Variants in ZNF385B observed in about 807,000 individuals in gnomAD.
The protein encoded by ZNF385B is zinc finger protein 533.
In ZNF385B, 23 loss-of-function variants were observed where a neutral mutation model predicts 39.2. The ratio of observed to expected loss-of-function variants is 0.59; its 90% confidence interval spans 0.42 to 0.83. The LOEUF (loss-of-function observed/expected upper bound fraction) is 0.83. ZNF385B is among the 40% of genes least tolerant of loss of function. The pLI, the probability that ZNF385B is intolerant of heterozygous loss-of-function variation, is 0.00. For missense variants in ZNF385B, 552 were observed against 598.9 expected, an observed-to-expected ratio of 0.92 and a Z score of 0.82; for synonymous variants, 205 against 222.6, an observed-to-expected ratio of 0.92 and a Z score of 0.70.
intron 3 of ZNF385B, among the ~76,000 whole-genome samples, chr2:179,627,888 A>C (rs1160361846): frequency 6.6e-6 from 1 of 152,012 alleles, no homozygotes; most frequent in African/African-American, 2.4e-5. Flanking sequence ...TTTACTTTCT[A>C]TGTCTCTTTG....
At chr2:179,603,042 A>G (rs1263156203) in intron 3 of ZNF385B, among the ~76,000 whole-genome samples, 2 of 152,186 alleles carry the variant, frequency 1.3e-5, no homozygotes, top group African/African-American at 2.4e-5. Flanking sequence ...GATTCTTACT[A>G]TTTAATTTTC....
At chr2:179,577,869 T>C (rs2106021160) in intron 3 of ZNF385B, among the ~76,000 whole-genome samples, 1 of 152,212 alleles carries the variant, frequency 6.6e-6, no homozygotes, top group South Asian at 2.1e-4. Context: ...TTTCATAGGC[T>C]GATATATTTA....
intron 6 of ZNF385B, among the ~76,000 whole-genome samples, chr2:179,460,148 T>C (rs753009259): frequency 6.6e-6 from 1 of 151,936 alleles, no homozygotes; most frequent in Non-Finnish European, 1.5e-5. Flanking sequence ...TAATGTCTCA[T>C]AGTAGTAAGT....
At chr2:179,753,815 G>C in intron 3 of ZNF385B, among the ~76,000 whole-genome samples, 1 of 152,190 alleles carries the variant, frequency 6.6e-6, no homozygotes, top group East Asian at 1.9e-4. Context: ...ATGCTTATCA[G>C]CTTAAGGAGA....
chr2:179,564,880 C>T (rs1253222588), intron 3 of ZNF385B, among the ~76,000 whole-genome samples: 2 of 152,126 alleles, frequency 1.3e-5, no homozygotes, highest in Admixed American at 6.5e-5. Context: ...CCCCTATCCC[C>T]TCACCTCACT....
Position 179,653,942 on chromosome 2 carries a change from G to T in ZNF385B, c.299-108973C>A, listed in dbSNP as rs6760122. 5.2e-3 allele frequency among the ~76,000 whole-genome samples: 794 copies of T among 152,284 alleles called. 8 individuals are homozygous for T. The highest frequency in any genetic ancestry group is 0.018 in the African/African-American group (758 of 41,560). On this transcript the variant is annotated intron_variant, in intron 3 of 9. Transcript: ENST00000410066. ...TTATTTTGAAATATTTCCAGAGAAA[G>T]ACATAGAGATGCACAATGGTAAGGA...
chr2:179,574,925 C>T (rs1685639560), intron 3 of ZNF385B, among the ~76,000 whole-genome samples: 1 of 152,142 alleles, frequency 6.6e-6, no homozygotes, highest in African/African-American at 2.4e-5. Context: ...CCAGGCCCTC[C>T]TCCAGTCTCT....
At chr2:179,778,894 T>C (rs576346947) in intron 1 of ZNF385B, among the ~76,000 whole-genome samples, 21 of 152,326 alleles carry the variant, frequency 1.4e-4, no homozygotes, top group East Asian at 1.9e-4. Flanking sequence ...ACATGTTTAC[T>C]TCTGGTCTTT....
intron 3 of ZNF385B, among the ~76,000 whole-genome samples, chr2:179,564,339 A>C (rs1318759050): frequency 6.6e-6 from 1 of 152,154 alleles, no homozygotes; most frequent in African/African-American, 2.4e-5. Flanking sequence ...GAGAGGTGAC[A>C]TTTAAATGGT....
intron 3 of ZNF385B, among the ~76,000 whole-genome samples, chr2:179,743,558 A>G (rs939067025): frequency 6.6e-6 from 1 of 152,026 alleles, no homozygotes; most frequent in African/African-American, 2.4e-5. Context: ...CAACATCCAA[A>G]TATGTACTCT....
chr2:179,612,885 A>G (rs2090219), intron 3 of ZNF385B, among the ~76,000 whole-genome samples: 119,623 of 152,108 alleles, frequency 0.79, 47,299 homozygotes, highest in East Asian at 0.85. Context: ...GATCTGAGTC[A>G]GAAACCTTAG....
intron 3 of ZNF385B, among the ~76,000 whole-genome samples, chr2:179,602,773 T>A (rs987714424): frequency 6.6e-6 from 1 of 152,274 alleles, no homozygotes; most frequent in Non-Finnish European, 1.5e-5. Context: ...ATAGAAGTTA[T>A]GATAATTCAA....
rs370663851 is a variant in ZNF385B at position 179,601,861 on chromosome 2, AT to A, written c.299-56893del. ...AAACACCTTTTGCCCCAAATATGCCATGAGGACTATCTGAATTTCTCCTGTT... is the reference window on the plus strand; with the variant it reads ...AAACACCTTTTGCCCCAAATATGCCAGAGGACTATCTGAATTTCTCCTGTT... On this transcript the variant is annotated intron_variant, in intron 3 of 9. Transcript: ENST00000410066. 5.3e-5 allele frequency among the ~76,000 whole-genome samples: 8 copies of A among 152,314 alleles called. No homozygotes were observed. In the East Asian group the frequency reaches 1.4e-3, roughly 26 times the overall value.
At chr2:179,628,996 T>C (rs1690934396) in intron 3 of ZNF385B, among the ~76,000 whole-genome samples, 1 of 152,238 alleles carries the variant, frequency 6.6e-6, no homozygotes. Flanking sequence ...ATAAGTTTGA[T>C]GTGTTTCCAT....
At chr2:179,798,960 T>C (rs1705856963) in intron 1 of ZNF385B, among the ~76,000 whole-genome samples, 1 of 152,102 alleles carries the variant, frequency 6.6e-6, no homozygotes. Flanking sequence ...GAATAATATT[T>C]TATATTAATG....
chr2:179,670,286 C>T (rs112343575), intron 3 of ZNF385B, among the ~76,000 whole-genome samples: 17,435 of 117,822 alleles, frequency 0.15, 1,385 homozygotes, highest in Admixed American at 0.22. Flanking sequence ...AGCGAGACTC[C>T]GTCTCAAAAA....
At chr2:179,540,003 A>G (rs1037068144) in intron 4 of ZNF385B, among the ~76,000 whole-genome samples, 1 of 152,180 alleles carries the variant, frequency 6.6e-6, no homozygotes, top group African/African-American at 2.4e-5. Context: ...GTAACTAACA[A>G]TTTTGTTTTT....
intron 3 of ZNF385B, among the ~76,000 whole-genome samples, chr2:179,634,654 A>T (rs1691565635): frequency 6.6e-6 from 1 of 152,218 alleles, no homozygotes; most frequent in Non-Finnish European, 1.5e-5. Context: ...GCGATTCCTC[A>T]AGGATCTAGA....
intron 3 of ZNF385B, among the ~76,000 whole-genome samples, chr2:179,545,816 C>T (rs2060196620): frequency 1.3e-5 from 2 of 152,082 alleles, no homozygotes; most frequent in African/African-American, 2.4e-5. Context: ...TATTTTCATA[C>T]AGGCACACAA....
Sources: allele counts gnomAD v4.1 joint callset (sites outside exome capture counted in the v4.1 genomes callset), GRCh38; gene constraint gnomAD v4.1.1; transcripts MANE v1.5; gene names NCBI Gene and HGNC (gene_info 2026-07-23, HGNC 2026-07-21).